The following ELF1 variants were observed in gnomAD, a reference collection of about 807,000 sequenced individuals.
ELF1 encodes E74 like ETS transcription factor 1.
In ELF1, 24 loss-of-function variants were observed where a neutral mutation model predicts 59.9. The observed-to-expected ratio is 0.40, with a 90% CI of 0.29 to 0.56. The LOEUF (loss-of-function observed/expected upper bound fraction) is 0.56, where lower values mean the gene tolerates loss of function less well. Among genes scored for constraint, ELF1 ranks in the 20% least tolerant of loss-of-function variants. The pLI is 0.44. For missense variants in ELF1, 627 were observed against 742.2 expected (o/e 0.84, Z 1.80); for synonymous variants, 248 against 266.2 (o/e 0.93, Z 0.67).
At chr13:41,052,449 C>T (rs1877125210) in intron 1 of ELF1, among the ~76,000 whole-genome samples, 1 of 152,116 alleles carries the variant, frequency 6.6e-6, no homozygotes, top group South Asian at 2.1e-4. Flanking sequence ...AAAAGGATAT[C>T]ATAGCAAAAC....
chr13:40,968,765 G>C (rs1009743233), intron 2 of ELF1, among the ~76,000 whole-genome samples: 1 of 150,294 alleles, frequency 6.7e-6, no homozygotes, highest in African/African-American at 2.5e-5. Context: ...CGTTGCCCAG[G>C]CTGTAGTACA....
intron 1 of ELF1, among the ~76,000 whole-genome samples, chr13:40,990,795 T>G (rs1593382602): frequency 7.3e-6 from 1 of 137,742 alleles, no homozygotes; most frequent in African/African-American, 2.8e-5. Context: ...GAGGGTGCAG[T>G]GAGCTGAGAT....
chr13:40,933,767 C>A lies in ELF1; in HGVS notation c.1518G>T (p.Gln506His). ...SIVLGPAQVQQVLTSNVQTIC... is the reference protein window; with the variant it reads ...SIVLGPAQVQHVLTSNVQTIC... ...TGGTCTGAACATTGCTAGTAAGGAC[C>A]TGCTGAACCTGGGCAGGGCCCAAGA... The change falls in exon 9 of 9, where the codon CAG (glutamine) becomes CAT (histidine). Residue 506 changes from glutamine to histidine, a missense_variant. Transcript: ENST00000239882. The A allele has an allele frequency of 6.2e-7, 1 of 1,614,258 alleles. No individual in the cohort carries two copies. The highest frequency in any genetic ancestry group is 8.5e-7 in the Non-Finnish European group (1 of 1,180,042).
rs374942688 is a variant in ELF1 at position 40,994,508 on chromosome 13, T to TG, written c.-228-12227dup. Among the ~76,000 whole-genome samples, 305 of 151,608 alleles carry TG rather than the reference T, an allele frequency of 2.0e-3. 2 individuals are homozygous for TG. The highest frequency in any genetic ancestry group is 7.1e-3 in the African/African-American group (292 of 41,344). On this transcript the variant is annotated intron_variant, in intron 1 of 8. Transcript: ENST00000239882. ...AAATACAAAAATTACCTAGGCATGG[T>TG]GGGGGGGTGCCTGTAATCCCAGGTA... is the stretch of plus-strand genomic sequence containing the variant.
At chr13:41,034,803 A>C (rs556134413) in intron 1 of ELF1, among the ~76,000 whole-genome samples, 4 of 151,722 alleles carry the variant, frequency 2.6e-5, no homozygotes, top group East Asian at 1.9e-4. Context: ...AAAAAAAAAA[A>C]AAAAAACCTT....
At chr13:40,948,911 G>C (rs981292761) in intron 5 of ELF1, among the ~76,000 whole-genome samples, 2 of 152,184 alleles carry the variant, frequency 1.3e-5, no homozygotes, top group Admixed American at 6.5e-5. Flanking sequence ...ATAAAAATTT[G>C]AGGCTTTAAA....
chr13:40,944,034 T>C, intron 5 of ELF1, 109 bp from the exon 6 acceptor site: 1 of 986,798 alleles, frequency 1.0e-6, no homozygotes, highest in Non-Finnish European at 1.5e-6. Flanking sequence ...AATGTTTTTA[T>C]ACATGGGTCA....
At chr13:41,019,465 T>C (rs546413080), upstream of ELF1, 157 of 919,034 alleles carry the variant, frequency 1.7e-4, 2 homozygotes, top group South Asian at 7.3e-3. Flanking sequence ...AAAGTGGGGA[T>C]GAAGAGGCAA....
At chr13:40,982,325 C>T in intron 1 of ELF1, 43 bp from the exon 2 acceptor site, 1 of 1,185,178 alleles carries the variant, frequency 8.4e-7, no homozygotes, top group Non-Finnish European at 1.0e-6. Flanking sequence ...AAGCAATCAC[C>T]CACTTAGGAT....
chr13:40,933,288 C>G lies in ELF1; in HGVS notation c.*137G>C, dbSNP rs1309574991. 1 of 1,168,122 alleles carries G rather than the reference C, an allele frequency of 8.6e-7. No homozygotes were observed. The highest frequency in any genetic ancestry group is 1.6e-5 in the African/African-American group (1 of 64,130). 72.4% of individuals were successfully genotyped at this position (1,168,122 alleles called of 1,614,324 possible). ...AGTTGAGTTTTCCTCCCTCATCTAACAAAGTCAAAATTAACTCTATTTTTA... is the reference window on the plus strand; with the variant it reads ...AGTTGAGTTTTCCTCCCTCATCTAAGAAAGTCAAAATTAACTCTATTTTTA... On this transcript the variant is annotated 3_prime_UTR_variant, in exon 9 of 9. Coordinates refer to ENST00000239882, the MANE Select transcript of ELF1 (RefSeq NM_172373.4).
chr13:41,022,078 T>C (rs1829492610), upstream of ELF1, among the ~76,000 whole-genome samples: 1 of 152,234 alleles, frequency 6.6e-6, no homozygotes, highest in East Asian at 1.9e-4. Flanking sequence ...AATGAAGATA[T>C]GTGTCTATTT....
intron 1 of ELF1, among the ~76,000 whole-genome samples, chr13:41,006,802 C>T (rs1042533131): frequency 1.3e-5 from 2 of 152,028 alleles, no homozygotes; most frequent in African/African-American, 2.4e-5. Context: ...AACATTAATT[C>T]GAATTAATTA....
intron 1 of ELF1, among the ~76,000 whole-genome samples, chr13:41,049,142 A>G (rs1876983011): frequency 6.6e-6 from 1 of 152,168 alleles, no homozygotes; most frequent in South Asian, 2.1e-4. Flanking sequence ...AGAGGTCCTA[A>G]AAGCTCAAAG....
At chr13:40,955,336 CCCCCACCCGGCCAGCCG>C (rs1360161845) in intron 3 of ELF1, among the ~76,000 whole-genome samples, 1 of 145,386 alleles carries the variant, frequency 6.9e-6, no homozygotes, top group Non-Finnish European at 1.5e-5. Flanking sequence ...GGGGGTTAGC[CCCCCACCCGGCCAGCCG>C]CCCCATCCGG....
chr13:40,998,500 A>C (rs1356308333), intron 1 of ELF1, among the ~76,000 whole-genome samples: 5 of 152,216 alleles, frequency 3.3e-5, no homozygotes, highest in African/African-American at 1.2e-4. Context: ...CAAAAGGATG[A>C]AATCACCTAA....
At chr13:41,023,152 C>A (rs942726039), upstream of ELF1, among the ~76,000 whole-genome samples, 5 of 152,130 alleles carry the variant, frequency 3.3e-5, no homozygotes, top group South Asian at 1.0e-3. Flanking sequence ...AATTTAAATG[C>A]CAACTAAATT....
At chr13:40,949,762 C>G (rs373355429) in intron 5 of ELF1, 44 bp downstream of exon 5, 8 of 1,599,384 alleles carry the variant, frequency 5.0e-6, no homozygotes, top group Non-Finnish European at 6.0e-6. Flanking sequence ...CTAGATTTCA[C>G]ACCAAGACTT....
At chr13:41,054,982 C>T (rs1199621982) in intron 1 of ELF1, among the ~76,000 whole-genome samples, 1 of 152,240 alleles carries the variant, frequency 6.6e-6, no homozygotes, top group Non-Finnish European at 1.5e-5. Context: ...TTTAAATAGA[C>T]CTTGCTTGCC....
At chr13:40,935,446 G>T (rs1187885117) in intron 8 of ELF1, among the ~76,000 whole-genome samples, 1 of 152,138 alleles carries the variant, frequency 6.6e-6, no homozygotes, top group Non-Finnish European at 1.5e-5. Context: ...TAGTGGAGGA[G>T]AAAAACAAAT....
Sources: gnomAD v4.1 joint callset for allele counts (sites outside exome capture counted in the v4.1 genomes callset) on GRCh38, gnomAD v4.1.1 for gene constraint, MANE v1.5 for transcripts, NCBI Gene and HGNC (gene_info 2026-07-23, HGNC 2026-07-21) for gene names.